Variants in NSD1 observed in about 807,000 individuals in gnomAD.
NSD1 encodes nuclear receptor binding SET domain protein 1.
A neutral mutation model predicts 242.7 loss-of-function variants in NSD1; 26 were observed. The observed-to-expected ratio is 0.11, with a 90% confidence interval of 0.08 to 0.15. The LOEUF (loss-of-function observed/expected upper bound fraction) is 0.15, where lower values mean the gene tolerates loss of function less well. NSD1 is among the 10% of genes least tolerant of loss of function. The probability of loss-of-function intolerance (pLI) is 1.00; values close to 1 mark genes in which losing one functional copy is unlikely to be tolerated. For missense variants in NSD1, 2,495 were observed against 3,272.8 expected, an observed-to-expected ratio of 0.76 and a Z score of 5.80; for synonymous variants, 1,106 against 1,178.1, an observed-to-expected ratio of 0.94 and a Z score of 1.25.
At chr5:177,232,679 G>A (rs535166095) in intron 5 of NSD1, among the ~76,000 whole-genome samples, 1 of 152,284 alleles carries the variant, frequency 6.6e-6, no homozygotes, top group South Asian at 2.1e-4. Flanking sequence ...CCCACATGGG[G>A]CAAAAGCCTC....
chr5:177,180,466 G>A (rs567064972), intron 2 of NSD1, among the ~76,000 whole-genome samples: 19 of 152,116 alleles, frequency 1.2e-4, no homozygotes, highest in Non-Finnish European at 7.4e-5. Flanking sequence ...ATGTTAGTCA[G>A]GCTGGTCTTG....
In NSD1 at chr5:177,298,104, C is replaced by T. The variant is rs892782431; in HGVS notation, c.*2645C>T. On this transcript the variant is annotated 3_prime_UTR_variant, in exon 23 of 23. Coordinates refer to ENST00000439151, the MANE Select transcript of NSD1 (RefSeq NM_022455.5). ...CCAATTAGAAGCAGAGTCACAACAACTGTTGGGAAATGTGACTCTTGGAGG... is the reference window on the plus strand; with the variant it reads ...CCAATTAGAAGCAGAGTCACAACAATTGTTGGGAAATGTGACTCTTGGAGG... The T allele has an allele frequency of 4.3e-6, 1 of 232,834 alleles. No homozygotes were observed. The highest frequency in any genetic ancestry group is 5.6e-5 in the Admixed American group (1 of 17,738). The allele number at this position is 232,834 out of a possible 1,614,324, so 14.4% of individuals were successfully genotyped here.
chr5:177,280,528 C>T (rs1414653238), intron 17 of NSD1, 37 bp from the exon 18 acceptor site: 2 of 1,613,916 alleles, frequency 1.2e-6, no homozygotes, highest in African/African-American at 2.7e-5. Flanking sequence ...CTTCTGCTGA[C>T]TTGTTTTATG....
Position 177,210,233 on chromosome 5 carries a change from A to G in NSD1, c.1834A>G (p.Ser612Gly). The G allele has an allele frequency of 6.3e-7, 1 of 1,595,590 alleles. No individual in the cohort carries two copies. Among genetic ancestry groups the G allele is most frequent in the South Asian group, 1.1e-5 (1 of 88,364 alleles). The change falls in exon 5 of 23, where the codon AGC (serine) becomes GGC (glycine). Residue 612 changes from serine (S) to glycine (G), a missense_variant. Physicochemically the swap from Ser to Gly is moderately conservative, Grantham distance 56. Around this residue, in one of 19 missense-constraint regions of NSD1, gnomAD observed 515 missense variants for 467.0 expected, o/e 1.10. Coordinates refer to ENST00000439151, the MANE Select transcript of NSD1 (RefSeq NM_022455.5). ...CSREKNKPQR[S>G]LVCGSKVKLC... ...TCGAGAGAAGAATAAACCCCAACGA[A>G]GCCTGGTGTGTGGTTCAAAAGTGAA...
At chr5:177,279,577 G>C (rs942727673) in intron 17 of NSD1, among the ~76,000 whole-genome samples, 4 of 135,978 alleles carry the variant, frequency 2.9e-5, no homozygotes, top group Non-Finnish European at 6.3e-5. Context: ...CAGAAACCTA[G>C]TTTATAGTTC....
rs566617221 is a variant in NSD1, at chr5:177,158,613, C to T, written c.927+22583C>T. Among the ~76,000 whole-genome samples the T allele has an allele frequency of 2.6e-5, 4 of 152,158 alleles. No individual in the cohort carries two copies. In the East Asian group the frequency reaches 5.8e-4, roughly 22 times the overall value. On this transcript the variant is annotated intron_variant, in intron 2 of 22. Coordinates refer to ENST00000439151, the MANE Select transcript of NSD1 (RefSeq NM_022455.5). ...TCGGCCTCCCAAAGTGCCGAGATTA[C>T]AGGCATGAGCCACTGCATCCGGGCG...
chr5:177,207,056 C>A (rs1398321005), intron 4 of NSD1, among the ~76,000 whole-genome samples: 1 of 152,022 alleles, frequency 6.6e-6, no homozygotes, highest in African/African-American at 2.4e-5. Flanking sequence ...CCTGCTTCAG[C>A]CTCCCAAGTA....
At chr5:177,266,373 G>T in intron 14 of NSD1, 1 of 680,868 alleles carries the variant, frequency 1.5e-6, no homozygotes, top group Non-Finnish European at 2.8e-6. Context: ...CGGCCTTGGC[G>T]GCGAACATGC....
chr5:177,266,382 G>T, intron 14 of NSD1: 1 of 673,146 alleles, frequency 1.5e-6, no homozygotes, highest in Non-Finnish European at 2.8e-6. Context: ...CGGCGAACAT[G>T]CAGAGGATGC....
At chr5:177,257,412 T>C (rs1008491574) in intron 13 of NSD1, among the ~76,000 whole-genome samples, 4 of 152,146 alleles carry the variant, frequency 2.6e-5, no homozygotes, top group Admixed American at 2.6e-4. Flanking sequence ...TTTGTATTTT[T>C]AGTAGAGACG....
At chr5:177,208,956 A>G (rs1004675213) in intron 4 of NSD1, among the ~76,000 whole-genome samples, 1 of 151,988 alleles carries the variant, frequency 6.6e-6, no homozygotes, top group Non-Finnish European at 1.5e-5. Context: ...TCAGCCTCTG[A>G]AAGTGCTGGG....
chr5:177,144,912 C>A (rs547017673), intron 2 of NSD1, among the ~76,000 whole-genome samples: 1 of 151,966 alleles, frequency 6.6e-6, no homozygotes, highest in East Asian at 1.9e-4. Flanking sequence ...GAAACCCTGT[C>A]TCTACTGAAA....
At chr5:177,202,866 C>G (rs1762609209) in intron 3 of NSD1, among the ~76,000 whole-genome samples, 1 of 151,666 alleles carries the variant, frequency 6.6e-6, no homozygotes, top group Non-Finnish European at 1.5e-5. Context: ...TTAAAATGAA[C>G]CAGACAACAC....
At chr5:177,227,674 A>C (rs1764736549) in intron 5 of NSD1, among the ~76,000 whole-genome samples, 1 of 152,146 alleles carries the variant, frequency 6.6e-6, no homozygotes. Flanking sequence ...TCCTGACCTC[A>C]GGTGATCCCG....
chr5:177,163,142 C>CT (rs1237651560), intron 2 of NSD1, among the ~76,000 whole-genome samples: 18,318 of 133,078 alleles, frequency 0.14, 1,842 homozygotes, highest in East Asian at 0.54. Context: ...TGAAATGTCT[C>CT]TTTTTTTTTT....
chr5:177,163,874 A>G (rs562105879), intron 2 of NSD1, among the ~76,000 whole-genome samples: 1 of 152,170 alleles, frequency 6.6e-6, no homozygotes, highest in Non-Finnish European at 1.5e-5. Context: ...CTTTCAGAGC[A>G]TTTACTTTCT....
At chr5:177,259,574 T>C (rs1756821386) in intron 13 of NSD1, among the ~76,000 whole-genome samples, 1 of 152,218 alleles carries the variant, frequency 6.6e-6, no homozygotes, top group Non-Finnish European at 1.5e-5. Flanking sequence ...TGGTTTATAA[T>C]AGATGAAGTA....
chr5:177,169,326 C>A, intron 2 of NSD1: 1 of 156,124 alleles, frequency 6.4e-6, no homozygotes, highest in Non-Finnish European at 1.4e-5. Context: ...TTTTGCTCAG[C>A]TGATGAGGCA....
intron 2 of NSD1, among the ~76,000 whole-genome samples, chr5:177,143,880 GT>G (rs1757022575): frequency 1.3e-5 from 2 of 149,228 alleles, no homozygotes; most frequent in African/African-American, 5.0e-5. Flanking sequence ...CACCTCATGG[GT>G]TCAAGTTGAT....
Sources: gnomAD v4.1 joint callset for allele counts (sites outside exome capture counted in the v4.1 genomes callset) on GRCh38, gnomAD v4.1.1 for gene constraint, gnomAD v4.1.1 regional missense constraint, MANE v1.5 for transcripts, NCBI Gene and HGNC (gene_info 2026-07-23, HGNC 2026-07-21) for gene names.